The following GRHL2 variants were observed in gnomAD, a reference collection of about 807,000 sequenced individuals.
The protein encoded by GRHL2 is grainyhead-like protein 2 homolog.
A neutral mutation model predicts 83.8 loss-of-function variants in GRHL2; 21 were observed. The ratio of observed to expected loss-of-function variants is 0.25; its 90% CI spans 0.18 to 0.36. GRHL2 has a LOEUF of 0.36. Ranked by LOEUF, GRHL2 falls within the 10% of genes least tolerant of loss-of-function variation. The pLI is 1.00. For missense variants in GRHL2, 623 were observed against 781.8 expected, an observed-to-expected ratio of 0.80 and a Z score of 2.42; for synonymous variants, 280 against 278.9, an observed-to-expected ratio of 1.00 and a Z score of -0.04.
intron 7 of GRHL2, among the ~76,000 whole-genome samples, chr8:101,593,798 G>C (rs1375929836): frequency 2.0e-5 from 3 of 151,934 alleles, no homozygotes; most frequent in Non-Finnish European, 4.4e-5. Context: ...GGGCATGGTG[G>C]CTCACACCTG....
At chr8:101,567,992 T>C (rs1204564816) in intron 4 of GRHL2, among the ~76,000 whole-genome samples, 4 of 152,222 alleles carry the variant, frequency 2.6e-5, no homozygotes, top group Non-Finnish European at 5.9e-5. Context: ...TTTTTCATCA[T>C]ATTACCCTCC....
intron 1 of GRHL2, among the ~76,000 whole-genome samples, chr8:101,500,559 A>G (rs1810206087): frequency 6.6e-6 from 1 of 152,168 alleles, no homozygotes; most frequent in Non-Finnish European, 1.5e-5. Flanking sequence ...CCCAGGCTGG[A>G]GTACAATGGC....
chr8:101,678,453 T>C, the GRHL2 span, among the ~76,000 whole-genome samples: 1 of 152,240 alleles, frequency 6.6e-6, no homozygotes, highest in East Asian at 1.9e-4. Flanking sequence ...GTCTCGCTGA[T>C]TGCTAGCACA....
chr8:101,495,046 G>C (rs1810067610), intron 1 of GRHL2, among the ~76,000 whole-genome samples: 1 of 152,142 alleles, frequency 6.6e-6, no homozygotes, highest in Admixed American at 6.6e-5. Context: ...TTCTAGCCTC[G>C]TTTTCTTAAT....
intron 1 of GRHL2, among the ~76,000 whole-genome samples, chr8:101,499,835 T>A (rs1810186740): frequency 6.6e-6 from 1 of 152,056 alleles, no homozygotes; most frequent in South Asian, 2.1e-4. Context: ...CCCAGCACTT[T>A]GGGAAGCCGA....
chr8:101,590,613 G>T (rs778106553), intron 7 of GRHL2, among the ~76,000 whole-genome samples: 27 of 152,178 alleles, frequency 1.8e-4, no homozygotes, highest in Non-Finnish European at 3.8e-4. Context: ...CTCACCGAAG[G>T]TCTCGGGGCT....
In GRHL2 at chr8:101,668,591, C is replaced by G. The variant is rs1025611918; in HGVS notation, c.*1888C>G. 2.0e-5 allele frequency: 3 copies of G among 153,072 alleles called. No homozygotes were observed. Among genetic ancestry groups the G allele is most frequent in the Non-Finnish European group, 4.4e-5 (3 of 68,444 alleles). The allele number at this position is 153,072 out of a possible 1,614,324, so 9.5% of individuals were successfully genotyped here. On this transcript the variant is annotated 3_prime_UTR_variant, in exon 16 of 16. Transcript: ENST00000646743. ...ATCGTGGATCCAGCTGTGCTCCAGT[C>G]TGTCCCCTCCTCCTCCACTCTGACT...
intron 1 of GRHL2, among the ~76,000 whole-genome samples, chr8:101,511,107 A>G (rs575639435): frequency 3.5e-4 from 54 of 152,318 alleles, no homozygotes; most frequent in Middle Eastern, 3.4e-3. Context: ...TCTCAAAAAA[A>G]AAAAATTTTT....
chr8:101,502,069 A>C (rs766284286), intron 1 of GRHL2, among the ~76,000 whole-genome samples: 26 of 152,174 alleles, frequency 1.7e-4, no homozygotes, highest in Non-Finnish European at 2.9e-4. Flanking sequence ...GAGTCCCATA[A>C]AATAACTGCC....
At chr8:101,579,798 A>T (rs1456005947) in intron 7 of GRHL2, among the ~76,000 whole-genome samples, 1 of 152,166 alleles carries the variant, frequency 6.6e-6, no homozygotes, top group Non-Finnish European at 1.5e-5. Context: ...CATCTGCTTT[A>T]ACTCTGGAGT....
intron 13 of GRHL2, among the ~76,000 whole-genome samples, chr8:101,647,534 T>C (rs1003117577): frequency 2.0e-5 from 3 of 152,180 alleles, no homozygotes; most frequent in African/African-American, 7.2e-5. Flanking sequence ...ATTCTAATTA[T>C]TTTTCCTTGT....
rs569929296 is a variant in GRHL2 at position 101,655,535 on chromosome 8, C to T, written c.1698+6036C>T. ...TTCTTCTTATTCAGTAGTCCTAAACCCCCCAGACCTTCATTTCACCTGCCA... is the reference window on the plus strand; with the variant it reads ...TTCTTCTTATTCAGTAGTCCTAAACTCCCCAGACCTTCATTTCACCTGCCA... On this transcript the variant is annotated intron_variant, in intron 14 of 15. Coordinates refer to ENST00000646743, the MANE Select transcript of GRHL2 (RefSeq NM_024915.4). 2.6e-5 allele frequency among the ~76,000 whole-genome samples: 4 copies of T among 152,228 alleles called. No homozygotes were observed. In the South Asian group the frequency reaches 8.3e-4, roughly 32 times the overall value.
rs546332155 is a variant in GRHL2, at chr8:101,521,289, G to A, written c.21-21952G>A. On this transcript the variant is annotated intron_variant, in intron 1 of 15. Transcript: ENST00000646743. ...AGGAGTCCCTGTTCCCCAAGAATGT[G>A]CCGCTTTGGTAGTCCTACCACACAT... 9.5e-4 allele frequency among the ~76,000 whole-genome samples: 144 copies of A among 152,296 alleles called. 2 individuals are homozygous for A. In the South Asian group the frequency reaches 0.024, roughly 25 times the overall value.
At chr8:101,642,254 A>G (rs920120968) in intron 12 of GRHL2, among the ~76,000 whole-genome samples, 3 of 152,244 alleles carry the variant, frequency 2.0e-5, no homozygotes, top group African/African-American at 7.2e-5. Flanking sequence ...AGTGTGAAAA[A>G]GTATTTTTGA....
rs550368550 is a variant in GRHL2, at chr8:101,657,502, T to C, written c.1699-6952T>C. On this transcript the variant is annotated intron_variant, in intron 14 of 15. Coordinates refer to ENST00000646743, the MANE Select transcript of GRHL2 (RefSeq NM_024915.4). Reference sequence around the variant, plus strand: ...TATTGATAATGCACTTTTTATAAAATGCACTTTTTATAAAAATGCATGCTC... The same window carrying C: ...TATTGATAATGCACTTTTTATAAAACGCACTTTTTATAAAAATGCATGCTC... Among the ~76,000 whole-genome samples, 125 of 152,282 alleles carry C rather than the reference T, an allele frequency of 8.2e-4. 1 individual carries two copies. Among genetic ancestry groups the C allele is most frequent in the Middle Eastern group, 3.4e-3 (1 of 294 alleles).
intron 1 of GRHL2, among the ~76,000 whole-genome samples, chr8:101,538,285 A>G (rs921439419): frequency 7.2e-5 from 11 of 152,184 alleles, no homozygotes; most frequent in African/African-American, 2.7e-4. Context: ...GGGGCTGTCC[A>G]GGCAGAATGA....
At chr8:101,574,697 A>G (rs762712053) in intron 6 of GRHL2, among the ~76,000 whole-genome samples, 7 of 152,258 alleles carry the variant, frequency 4.6e-5, no homozygotes, top group African/African-American at 7.2e-5. Flanking sequence ...AGCTCACTGC[A>G]GTGAGAAAGC....
At chr8:101,637,486 GTC>G (rs2129642076) in intron 12 of GRHL2, among the ~76,000 whole-genome samples, 1 of 152,316 alleles carries the variant, frequency 6.6e-6, no homozygotes, top group African/African-American at 2.4e-5. Context: ...GACTCCCAAT[GTC>G]TCCACATCCT....
intron 7 of GRHL2, among the ~76,000 whole-genome samples, chr8:101,591,934 G>A (rs1377096673): frequency 2.0e-5 from 3 of 152,060 alleles, no homozygotes; most frequent in African/African-American, 7.2e-5. Context: ...CCTGGAGCAG[G>A]TGGTGCTTGA....
Sources: gnomAD v4.1 joint callset for allele counts (sites outside exome capture counted in the v4.1 genomes callset) on GRCh38, gnomAD v4.1.1 for gene constraint, MANE v1.5 for transcripts, NCBI Gene and HGNC (gene_info 2026-07-23, HGNC 2026-07-21) for gene names.